The following PRTFDC1 variants were observed in gnomAD, a reference collection of about 807,000 sequenced individuals.
PRTFDC1 encodes phosphoribosyl transferase domain containing 1.
Under a neutral mutation model 34.6 loss-of-function variants are expected in PRTFDC1, and 38 were observed. The ratio of observed to expected loss-of-function variants is 1.10; its 90% confidence interval spans 0.85 to 1.44. The LOEUF (loss-of-function observed/expected upper bound fraction) is 1.44. Ranked by LOEUF, PRTFDC1 falls within the 40% of genes most tolerant of loss-of-function variation. PRTFDC1 has a pLI of 0.00. For missense variants in PRTFDC1, 270 were observed against 283.0 expected (o/e 0.95, Z 0.33); for synonymous variants, 93 against 98.1 (o/e 0.95, Z 0.31).
Position 24,924,057 on chromosome 10 carries a change from T to A in PRTFDC1, c.339+13127A>T, listed in dbSNP as rs1213491989. Among the ~76,000 whole-genome samples, 9 of 152,130 alleles carry A rather than the reference T, an allele frequency of 5.9e-5. No individual in the cohort carries two copies. In the South Asian group the frequency reaches 1.5e-3, roughly 25 times the overall value. On this transcript the variant is annotated intron_variant, in intron 3 of 8. Coordinates refer to ENST00000320152, the MANE Select transcript of PRTFDC1 (RefSeq NM_020200.7). ...CAAGTAGAAGAAACGATATCAGTGA[T>A]TGAAGATCAAATTAATGAAATAAAG... is the stretch of plus-strand genomic sequence containing the variant.
intron 3 of PRTFDC1, among the ~76,000 whole-genome samples, chr10:24,879,134 A>C (rs1848021792): frequency 6.6e-6 from 1 of 152,186 alleles, no homozygotes; most frequent in Admixed American, 6.5e-5. Context: ...ATTTGATACC[A>C]GCTCAGATAA....
chr10:24,927,454 G>C (rs1375124530), intron 3 of PRTFDC1, among the ~76,000 whole-genome samples: 1 of 152,020 alleles, frequency 6.6e-6, no homozygotes, highest in Non-Finnish European at 1.5e-5. Flanking sequence ...CTCTCCCTTT[G>C]AAGTCTGCAA....
intron 4 of PRTFDC1, chr10:24,867,696 G>A (rs937642302): frequency 6.6e-6 from 1 of 151,722 alleles, no homozygotes; most frequent in Non-Finnish European, 1.5e-5. Flanking sequence ...AGGCTTTGTG[G>A]AATTTTCTTC....
At chr10:24,878,643 T>C (rs1235059572) in intron 3 of PRTFDC1, among the ~76,000 whole-genome samples, 7 of 152,266 alleles carry the variant, frequency 4.6e-5, no homozygotes, top group South Asian at 2.1e-4. Flanking sequence ...AGGTACTACA[T>C]AGAGCACGCC....
intron 4 of PRTFDC1, among the ~76,000 whole-genome samples, chr10:24,860,711 C>T (rs1380645832): frequency 3.3e-5 from 5 of 152,082 alleles, no homozygotes; most frequent in African/African-American, 1.2e-4. Context: ...TGTATTGAAA[C>T]CCCTTCTCTA....
intron 3 of PRTFDC1, among the ~76,000 whole-genome samples, chr10:24,907,275 T>A (rs554432524): frequency 1.3e-5 from 2 of 152,268 alleles, no homozygotes; most frequent in East Asian, 3.9e-4. Context: ...GTGACTTGTA[T>A]GAATTAGAAT....
chr10:24,926,853 A>G (rs1848883766), intron 3 of PRTFDC1, among the ~76,000 whole-genome samples: 1 of 152,230 alleles, frequency 6.6e-6, no homozygotes, highest in Non-Finnish European at 1.5e-5. Flanking sequence ...GATTGATACT[A>G]TAATTTAATA....
chr10:24,921,960 A>G (rs189580094), intron 3 of PRTFDC1, among the ~76,000 whole-genome samples: 188 of 152,340 alleles, frequency 1.2e-3, no homozygotes, highest in Non-Finnish European at 2.4e-3. Context: ...ACTTTATTAT[A>G]GTACAATGAG....
intron 3 of PRTFDC1, among the ~76,000 whole-genome samples, chr10:24,899,236 A>G (rs1848414737): frequency 6.6e-6 from 1 of 152,048 alleles, no homozygotes; most frequent in Admixed American, 6.6e-5. Flanking sequence ...CCAGGGAGCC[A>G]CCCCCCAATT....
At chr10:24,929,094 G>T (rs1000961890) in intron 3 of PRTFDC1, among the ~76,000 whole-genome samples, 1 of 147,810 alleles carries the variant, frequency 6.8e-6, no homozygotes, top group Non-Finnish European at 1.5e-5. Flanking sequence ...TTCAATTCCA[G>T]GCACCCTTGC....
At chr10:24,882,204 C>CAAAAAAAAAAAAAA (rs10651020) in intron 3 of PRTFDC1, among the ~76,000 whole-genome samples, 1 of 107,512 alleles carries the variant, frequency 9.3e-6, no homozygotes, top group African/African-American at 3.8e-5. Flanking sequence ...GGATCTGCCT[C>CAAAAAAAAAAAAAA]AAAAAAAAAA....
intron 4 of PRTFDC1, among the ~76,000 whole-genome samples, chr10:24,871,069 T>TA (rs11314430): frequency 0.45 from 46,738 of 102,894 alleles, 10,596 homozygotes; most frequent in Non-Finnish European, 0.49. Context: ...AGACTCTGTC[T>TA]AAAAAAAAAA....
At chr10:24,905,031 G>T (rs945815618) in intron 3 of PRTFDC1, among the ~76,000 whole-genome samples, 11 of 152,138 alleles carry the variant, frequency 7.2e-5, no homozygotes, top group Non-Finnish European at 1.3e-4. Flanking sequence ...TGCTAGCCAG[G>T]TGTGGTGTCA....
chr10:24,918,382 C>A (rs759085149), intron 3 of PRTFDC1, among the ~76,000 whole-genome samples: 4 of 152,064 alleles, frequency 2.6e-5, no homozygotes, highest in Admixed American at 6.6e-5. Flanking sequence ...GTGGAGAATG[C>A]AAATCAAATA....
At chr10:24,916,042 C>T (rs1412582504) in intron 3 of PRTFDC1, among the ~76,000 whole-genome samples, 1 of 152,170 alleles carries the variant, frequency 6.6e-6, no homozygotes, top group Non-Finnish European at 1.5e-5. Flanking sequence ...TTCCAAAGCT[C>T]CTCTTTTCAC....
At chr10:24,881,100 C>T (rs951725679) in intron 3 of PRTFDC1, among the ~76,000 whole-genome samples, 1 of 148,928 alleles carries the variant, frequency 6.7e-6, no homozygotes, top group Non-Finnish European at 1.5e-5. Flanking sequence ...CAGAGCCTGA[C>T]TCTGTCATCC....
At chr10:24,875,914 G>T (rs1185003216) in intron 3 of PRTFDC1, among the ~76,000 whole-genome samples, 3 of 140,582 alleles carry the variant, frequency 2.1e-5, no homozygotes, top group African/African-American at 8.0e-5. Context: ...GGAGCGCAGT[G>T]ATGTAATCAT....
rs56170626 is a variant in PRTFDC1 at position 24,910,854 on chromosome 10, C to T, written c.339+26330G>A. Among the ~76,000 whole-genome samples the T allele has an allele frequency of 5.0e-3, 762 of 151,800 alleles. 1 individual carries two copies. The highest frequency in any genetic ancestry group is 7.9e-3 in the Admixed American group (120 of 15,254). On this transcript the variant is annotated intron_variant, in intron 3 of 8. Coordinates refer to ENST00000320152, the MANE Select transcript of PRTFDC1 (RefSeq NM_020200.7). ...CCAAATCAGGCACCCTGATCTCCATCTTCCTGCTAAGGAGACAGATGCCTA... is the reference window on the plus strand; with the variant it reads ...CCAAATCAGGCACCCTGATCTCCATTTTCCTGCTAAGGAGACAGATGCCTA...
chr10:24,926,931 A>C (rs1189137953), intron 3 of PRTFDC1, among the ~76,000 whole-genome samples: 3 of 152,238 alleles, frequency 2.0e-5, no homozygotes, highest in Non-Finnish European at 4.4e-5. Context: ...AACAAACTCT[A>C]ATGAGAATCT....
Sources: gnomAD v4.1 joint callset for allele counts (sites outside exome capture counted in the v4.1 genomes callset) on GRCh38, gnomAD v4.1.1 for gene constraint, MANE v1.5 for transcripts, NCBI Gene and HGNC (gene_info 2026-07-23, HGNC 2026-07-21) for gene names.